LMBR1: variants seen among roughly 807,000 people sequenced by gnomAD.
The protein encoded by LMBR1 is limb region 1 protein homolog.
A neutral mutation model predicts 73.9 loss-of-function variants in LMBR1; 52 were observed. The ratio of observed to expected loss-of-function variants is 0.70; its 90% CI spans 0.56 to 0.89. The LOEUF is 0.89. Among genes scored for constraint, LMBR1 ranks in the 40% least tolerant of loss-of-function variants. The pLI, the probability that LMBR1 is intolerant of heterozygous loss-of-function variation, is 0.00. For missense variants in LMBR1, 539 were observed against 579.8 expected (o/e 0.93, Z 0.72); for synonymous variants, 215 against 209.4 (o/e 1.03, Z -0.23).
At chr7:156,733,161 C>T (rs911501403) in intron 10 of LMBR1, among the ~76,000 whole-genome samples, 7 of 151,930 alleles carry the variant, frequency 4.6e-5, no homozygotes, top group Non-Finnish European at 8.8e-5. Context: ...CAAAACAAAA[C>T]AAAACAAAAA....
chr7:156,776,121 TTA>T (rs555241564), intron 5 of LMBR1, among the ~76,000 whole-genome samples: 22 of 148,494 alleles, frequency 1.5e-4, no homozygotes, highest in African/African-American at 2.9e-4. Context: ...TATATATATT[TTA>T]TATATATATA....
chr7:156,854,996 A>G (rs980983397), intron 1 of LMBR1, among the ~76,000 whole-genome samples: 6 of 152,228 alleles, frequency 3.9e-5, no homozygotes, highest in Admixed American at 3.9e-4. Context: ...AATTACCTCA[A>G]TCCCTTTTAT....
intron 1 of LMBR1, among the ~76,000 whole-genome samples, chr7:156,874,690 G>C (rs1799898965): frequency 6.6e-6 from 1 of 152,192 alleles, no homozygotes; most frequent in South Asian, 2.1e-4. Context: ...ATCCAAAAGA[G>C]AGATAACAAT....
At chr7:156,693,457 A>AAG (rs1437445252) in intron 15 of LMBR1, among the ~76,000 whole-genome samples, 1 of 152,136 alleles carries the variant, frequency 6.6e-6, no homozygotes, top group Non-Finnish European at 1.5e-5. Flanking sequence ...AAGAAATAAA[A>AAG]AGAGATATTC....
intron 4 of LMBR1, among the ~76,000 whole-genome samples, chr7:156,813,639 T>G (rs1435893573): frequency 6.6e-6 from 1 of 152,224 alleles, no homozygotes; most frequent in Non-Finnish European, 1.5e-5. Flanking sequence ...CCAAGATGCT[T>G]CACAGATATC....
intron 5 of LMBR1, among the ~76,000 whole-genome samples, chr7:156,785,456 A>G (rs1207225226): frequency 6.6e-6 from 1 of 152,174 alleles, no homozygotes; most frequent in African/African-American, 2.4e-5. Context: ...GACCCAGGAG[A>G]GGTAAACACT....
rs748407183 is a variant in LMBR1, at chr7:156,892,960, G to C, written c.34C>G (p.Gln12Glu). 2 of 1,543,718 alleles carry C rather than the reference G, an allele frequency of 1.3e-6. No individual in the cohort carries two copies. Among genetic ancestry groups the C allele is most frequent in the Non-Finnish European group, 1.7e-6 (2 of 1,152,396 alleles). ...TCCCGCACTTGGCTGTGGAAGTGCT[G>C]CTCCCGCGCCGACACCTCGTCCTGC... ...EGQDEVSAREQHFHSQVREST... is the reference protein window; with the variant it reads ...EGQDEVSAREEHFHSQVREST... Residue 12 changes from glutamine to glutamate, a missense_variant, in exon 1 of 17, where the codon CAG becomes GAG. Transcript: ENST00000353442.
chr7:156,698,514 G>A (rs1235055162), intron 15 of LMBR1, among the ~76,000 whole-genome samples: 1 of 152,190 alleles, frequency 6.6e-6, no homozygotes, highest in Non-Finnish European at 1.5e-5. Flanking sequence ...AATCTAGGTG[G>A]AGGTTCCCAA....
chr7:156,705,808 A>G (rs1810800705), intron 15 of LMBR1, among the ~76,000 whole-genome samples: 2 of 152,226 alleles, frequency 1.3e-5, no homozygotes, highest in African/African-American at 2.4e-5. Flanking sequence ...AAGAGAAGGG[A>G]ATCCAATGGC....
chr7:156,675,785 T>C, downstream of LMBR1: 1 of 1,613,928 alleles, frequency 6.2e-7, no homozygotes, highest in Non-Finnish European at 8.5e-7. Flanking sequence ...TGGCCATAAA[T>C]CGAAGTGTTC....
rs1802172196 is a variant in LMBR1 at position 156,670,227 on chromosome 7, T to C, written n.867-940A>G. Among the ~76,000 whole-genome samples the C allele has an allele frequency of 1.3e-5, 2 of 152,236 alleles. No homozygotes were observed. The highest frequency in any genetic ancestry group is 2.1e-4 in the South Asian group (1 of 4,834). On this transcript the variant is annotated intron_variant and non_coding_transcript_variant, in intron 4 of 4. Transcript: ENST00000430825. This position sits in a 1 kb window ranked among gnomAD's most constrained non-coding sequence, Gnocchi z 4.3. Reference sequence around the variant, plus strand: ...CACTAGGGCACACACATTTCCTTCTTTGCAGAGGAGCTGGATGCTAAGCAC... The same window carrying C: ...CACTAGGGCACACACATTTCCTTCTCTGCAGAGGAGCTGGATGCTAAGCAC...
chr7:156,767,555 T>C (rs1024677382), intron 5 of LMBR1, among the ~76,000 whole-genome samples: 1 of 152,014 alleles, frequency 6.6e-6, no homozygotes, highest in African/African-American at 2.4e-5. Flanking sequence ...AAATTAAAGT[T>C]AAATAATGCT....
chr7:156,825,250 T>A (rs1835474950), intron 4 of LMBR1, among the ~76,000 whole-genome samples: 1 of 152,154 alleles, frequency 6.6e-6, no homozygotes, highest in Non-Finnish European at 1.5e-5. Flanking sequence ...ATGAAGAAAT[T>A]GAAATACATA....
chr7:156,675,810 G>A (rs1803810890), downstream of LMBR1: 3 of 1,614,220 alleles, frequency 1.9e-6, no homozygotes, highest in East Asian at 4.5e-5. Context: ...GCAGTTGGAA[G>A]AAAAATGTGG....
chr7:156,736,887 CT>C (rs1222424567), intron 9 of LMBR1, among the ~76,000 whole-genome samples: 2 of 152,152 alleles, frequency 1.3e-5, no homozygotes, highest in Admixed American at 1.3e-4. Context: ...TGCCAAAGGT[CT>C]TTATTTTCTC....
intron 9 of LMBR1, 71 bp downstream of exon 9, chr7:156,756,322 C>T (rs747522498): frequency 5.1e-5 from 40 of 779,958 alleles, no homozygotes; most frequent in Non-Finnish European, 7.3e-5. Context: ...TATTTTTTCT[C>T]TTCAATTATC....
At chr7:156,744,390 A>G (rs1334327493) in intron 9 of LMBR1, among the ~76,000 whole-genome samples, 1 of 152,018 alleles carries the variant, frequency 6.6e-6, no homozygotes, top group Non-Finnish European at 1.5e-5. Flanking sequence ...CTTACAAACT[A>G]AATCCAAATC....
At chr7:156,863,093 G>A (rs775623849) in intron 1 of LMBR1, among the ~76,000 whole-genome samples, 3 of 151,970 alleles carry the variant, frequency 2.0e-5, no homozygotes, top group Admixed American at 6.6e-5. Flanking sequence ...TAGAGGAACA[G>A]AACTAATAGA....
downstream of LMBR1, chr7:156,676,294 G>C: frequency 6.3e-7 from 1 of 1,594,834 alleles, no homozygotes; most frequent in Non-Finnish European, 8.5e-7. Context: ...TTTTAACACA[G>C]AATGAAACTT....
Sources: allele counts gnomAD v4.1 joint callset (sites outside exome capture counted in the v4.1 genomes callset), GRCh38; gene constraint gnomAD v4.1.1; non-coding constraint Gnocchi (gnomAD v3.1); transcripts MANE v1.5; gene names NCBI Gene and HGNC (gene_info 2026-07-23, HGNC 2026-07-21).